The following EZR variants were observed in gnomAD, a reference collection of about 807,000 sequenced individuals.
EZR encodes cytovillin 2.
Under a neutral mutation model 74.8 loss-of-function variants are expected in EZR, and 40 were observed. That is an observed-to-expected ratio of 0.53 (90% CI 0.42 to 0.70). The LOEUF is 0.70. Among genes scored for constraint, EZR ranks in the 30% least tolerant of loss-of-function variants. The pLI is 0.00. For synonymous variants in EZR, 341 were observed against 283.3 expected (o/e 1.20, Z -2.05); for missense variants, 678 against 755.8 (o/e 0.90, Z 1.21).
chr6:158,774,052 A>G (rs540835635), intron 8 of EZR, among the ~76,000 whole-genome samples: 5 of 152,362 alleles, frequency 3.3e-5, no homozygotes, highest in Non-Finnish European at 7.3e-5. Flanking sequence ...CTCATTTGTG[A>G]GTTCACAGCA....
At chr6:158,782,321 A>G (rs901368) in intron 7 of EZR, among the ~76,000 whole-genome samples, 118,243 of 152,178 alleles carry the variant, frequency 0.78, 47,839 homozygotes, top group African/African-American at 0.91. Context: ...AGATGGACTC[A>G]TGCAGGTCAT....
chr6:158,785,351 T>G lies in EZR; in HGVS notation c.425A>C (p.His142Pro). 1 of 1,614,240 alleles carries G rather than the reference T, an allele frequency of 6.2e-7. No homozygotes were observed. ...AKFGDYNKEV[H>P]KSGYLSSERL... Reference sequence around the variant, plus strand: ...CTCAGAGCTGAGGTACCCAGACTTGTGCACTTCTTTGTTGTAGTCCCCAAA... The same window carrying G: ...CTCAGAGCTGAGGTACCCAGACTTGGGCACTTCTTTGTTGTAGTCCCCAAA... The change falls in exon 5 of 14, where the codon CAC (histidine) becomes CCC (proline). Residue 142 changes from histidine (H) to proline (P), a missense_variant. Physicochemically the swap from His to Pro is moderately conservative, Grantham distance 77. Around this residue, in one of 3 missense-constraint regions of EZR, gnomAD observed 217 missense variants for 232.2 expected, o/e 0.93. Coordinates refer to ENST00000367075, the MANE Select transcript of EZR (RefSeq NM_001111077.2).
chr6:158,819,016 C>T (rs1777631668), intron 1 of EZR, among the ~76,000 whole-genome samples: 1 of 152,168 alleles, frequency 6.6e-6, no homozygotes, highest in Admixed American at 6.5e-5. Flanking sequence ...ACCGTCAAGC[C>T]TTTGAGAAAC....
At chr6:158,815,786 T>C (rs1276206858) in intron 2 of EZR, among the ~76,000 whole-genome samples, 2 of 152,244 alleles carry the variant, frequency 1.3e-5, no homozygotes, top group African/African-American at 4.8e-5. Flanking sequence ...AAAAAAAGTT[T>C]AAAAATTTTA....
At chr6:158,799,433 C>T (rs1777145265) in intron 2 of EZR, among the ~76,000 whole-genome samples, 1 of 152,204 alleles carries the variant, frequency 6.6e-6, no homozygotes, top group South Asian at 2.1e-4. Context: ...ATGTATTTAC[C>T]TCTGCTGATT....
Position 158,766,684 on chromosome 6 carries a change from A to T in EZR, c.*230T>A. ...TGCTCCCAGCACAACACAGGAGGTG[A>T]TTCGAGAATAATCGCGAGAATCAGG... On this transcript the variant is annotated 3_prime_UTR_variant, in exon 14 of 14. Coordinates refer to ENST00000367075, the MANE Select transcript of EZR (RefSeq NM_001111077.2). 1.8e-6 allele frequency: 1 copy of T among 570,220 alleles called. No individual in the cohort carries two copies. The highest frequency in any genetic ancestry group is 2.1e-5 in the South Asian group (1 of 46,906). The allele number at this position is 570,220 out of a possible 1,614,324, so 35.3% of individuals were successfully genotyped here. A position where few individuals can be genotyped will look rare whatever the true frequency, so the allele number is the denominator to read the frequency against.
intron 7 of EZR, among the ~76,000 whole-genome samples, chr6:158,782,852 A>G (rs534351858): frequency 6.6e-6 from 1 of 152,280 alleles, no homozygotes; most frequent in African/African-American, 2.4e-5. Flanking sequence ...ACCATGGGAA[A>G]CTTGCCCTCA....
At chr6:158,780,190 A>C (rs1485375039) in intron 7 of EZR, among the ~76,000 whole-genome samples, 2 of 151,736 alleles carry the variant, frequency 1.3e-5, no homozygotes, top group East Asian at 3.9e-4. Context: ...ATCAAAAAAA[A>C]AAAAAAAACC....
intron 12 of EZR, among the ~76,000 whole-genome samples, chr6:158,768,451 G>A (rs1176896379): frequency 2.0e-5 from 3 of 152,180 alleles, no homozygotes; most frequent in Non-Finnish European, 4.4e-5. Flanking sequence ...GAGGCAAGGA[G>A]GTACTAGGCA....
At position 158,767,329 on chromosome 6, in the gene EZR, C is replaced by T. The variant is rs1419361250; in HGVS notation, c.1528G>A (p.Asp510Asn). ...SAELSSEGIR[D>N]DRNEEKRITE... ...ATGCGCTTCTCCTCATTGCGGTCAT[C>T]CCGGATGCCCTCACTAGACAGCTCC... is the stretch of plus-strand genomic sequence containing the variant. The change falls in exon 13 of 14, where the codon GAT becomes AAT. Residue 510 changes from aspartate to asparagine, a missense_variant. Asp to Asn is a conservative substitution (Grantham distance 23, BLOSUM62 1). Around this residue, in one of 3 missense-constraint regions of EZR, gnomAD observed 342 missense variants for 341.2 expected, o/e 1.00. Coordinates refer to ENST00000367075, the MANE Select transcript of EZR (RefSeq NM_001111077.2). 4 of 1,614,224 alleles carry T rather than the reference C, an allele frequency of 2.5e-6. No individual in the cohort carries two copies. The highest frequency in any genetic ancestry group is 2.5e-6 in the Non-Finnish European group (3 of 1,180,038).
intron 12 of EZR, among the ~76,000 whole-genome samples, chr6:158,768,349 CTT>C (rs539809738): frequency 2.2e-3 from 335 of 151,920 alleles, no homozygotes; most frequent in African/African-American, 7.6e-3. Context: ...AATTAAACCT[CTT>C]TTCTTTAACT....
At chr6:158,806,096 A>G (rs756631347) in intron 2 of EZR, among the ~76,000 whole-genome samples, 42 of 152,242 alleles carry the variant, frequency 2.8e-4, no homozygotes, top group Admixed American at 7.2e-4. Flanking sequence ...AAATCGTTCT[A>G]TGTGTTTCCA....
At chr6:158,809,584 C>T (rs1163006446) in intron 2 of EZR, among the ~76,000 whole-genome samples, 1 of 152,176 alleles carries the variant, frequency 6.6e-6, no homozygotes, top group African/African-American at 2.4e-5. Flanking sequence ...TGCTCAGAGT[C>T]CATGATGTGC....
At chr6:158,809,604 GC>G (rs1274420989) in intron 2 of EZR, among the ~76,000 whole-genome samples, 4 of 152,310 alleles carry the variant, frequency 2.6e-5, no homozygotes, top group Non-Finnish European at 5.9e-5. Context: ...CTCAACATTG[GC>G]TAACAAAACA....
chr6:158,775,254 G>A (rs996454572), intron 8 of EZR, among the ~76,000 whole-genome samples: 6 of 152,002 alleles, frequency 3.9e-5, no homozygotes, highest in Non-Finnish European at 8.8e-5. Flanking sequence ...GGCTGGTCTC[G>A]AACTCCTGAC....
intron 2 of EZR, among the ~76,000 whole-genome samples, chr6:158,807,300 CAG>C (rs1396075790): frequency 7.6e-6 from 1 of 131,894 alleles, no homozygotes; most frequent in Non-Finnish European, 1.6e-5. Flanking sequence ...GGGCGACAGA[CAG>C]AGACTCCGTC....
chr6:158,785,714 A>G, intron 4 of EZR, 131 bp from the exon 5 acceptor site: 1 of 1,195,896 alleles, frequency 8.4e-7, no homozygotes, highest in Non-Finnish European at 1.2e-6. Context: ...TCTTAAAGTC[A>G]TCTTTTTAGC....
At chr6:158,780,887 G>T (rs192898906) in intron 7 of EZR, among the ~76,000 whole-genome samples, 24 of 152,256 alleles carry the variant, frequency 1.6e-4, no homozygotes, top group African/African-American at 5.5e-4. Flanking sequence ...CAAGCTAAGG[G>T]TTTAAAGAAA....
intron 2 of EZR, among the ~76,000 whole-genome samples, chr6:158,811,097 G>A (rs1271127755): frequency 6.6e-6 from 1 of 152,176 alleles, no homozygotes; most frequent in Admixed American, 6.5e-5. Flanking sequence ...GTTTTGTTTG[G>A]TTCTGAAAAC....
Sources: gnomAD v4.1 joint callset for allele counts (sites outside exome capture counted in the v4.1 genomes callset) on GRCh38, gnomAD v4.1.1 for gene constraint, gnomAD v4.1.1 regional missense constraint, MANE v1.5 for transcripts, NCBI Gene and HGNC (gene_info 2026-07-23, HGNC 2026-07-21) for gene names.